ESRRG: variants seen among roughly 807,000 people sequenced by gnomAD.
ESRRG encodes estrogen-related receptor gamma.
In ESRRG, 13 loss-of-function variants were observed where a neutral mutation model predicts 44.0. The observed-to-expected ratio is 0.30, with a 90% CI of 0.19 to 0.47. The LOEUF (loss-of-function observed/expected upper bound fraction) is 0.47. Among genes scored for constraint, ESRRG ranks in the 20% least tolerant of loss-of-function variants. The probability of loss-of-function intolerance (pLI) is 1.00; values close to 1 mark genes in which losing one functional copy is unlikely to be tolerated. For missense variants in ESRRG, 395 were observed against 580.6 expected (o/e 0.68, Z 3.29); for synonymous variants, 215 against 214.6 (o/e 1.00, Z -0.02).
chr1:216,831,970 G>T (rs750549843), intron 2 of ESRRG, among the ~76,000 whole-genome samples: 3 of 152,126 alleles, frequency 2.0e-5, no homozygotes, highest in Non-Finnish European at 4.4e-5. Context: ...AGATAGCCAA[G>T]AGCTGCCTGT....
At chr1:216,592,645 C>T (rs1573718325) in intron 3 of ESRRG, among the ~76,000 whole-genome samples, 2 of 152,102 alleles carry the variant, frequency 1.3e-5, no homozygotes, top group African/African-American at 4.8e-5. Context: ...GGATTACAGG[C>T]ATGCACCACC....
At chr1:217,070,265 A>ATTTTAAAAT (rs2090385419) in intron 1 of ESRRG, among the ~76,000 whole-genome samples, 1 of 151,968 alleles carries the variant, frequency 6.6e-6, no homozygotes, top group Admixed American at 6.6e-5. Flanking sequence ...GAGAAGTAAA[A>ATTTTAAAAT]GCTATTTTAA....
intron 1 of ESRRG, among the ~76,000 whole-genome samples, chr1:216,949,757 T>C (rs2066647845): frequency 6.6e-6 from 1 of 152,108 alleles, no homozygotes; most frequent in South Asian, 2.1e-4. Context: ...TTCATCATTA[T>C]CATTTGATTA....
chr1:216,774,798 C>CTGTTTTTTTTTTT (rs778887121), intron 2 of ESRRG, among the ~76,000 whole-genome samples: 1 of 110,850 alleles, frequency 9.0e-6, no homozygotes, highest in Non-Finnish European at 1.7e-5. Context: ...ATAATTTCTT[C>CTGTTTTTTTTTTT]TTTTTTTTTT....
chr1:216,813,810 G>A (rs562099099), intron 2 of ESRRG, among the ~76,000 whole-genome samples: 28 of 152,122 alleles, frequency 1.8e-4, no homozygotes, highest in Admixed American at 7.2e-4. Context: ...TGCTTATGTC[G>A]GGGGGACATC....
chr1:216,799,320 T>C (rs1411684587), intron 2 of ESRRG, among the ~76,000 whole-genome samples: 3 of 152,128 alleles, frequency 2.0e-5, no homozygotes, highest in Non-Finnish European at 4.4e-5. Context: ...TTCAGAATGG[T>C]CCTGTCTTGC....
At chr1:216,695,340 A>C (rs1377179327) in intron 1 of ESRRG, among the ~76,000 whole-genome samples, 1 of 152,186 alleles carries the variant, frequency 6.6e-6, no homozygotes, top group African/African-American at 2.4e-5. Flanking sequence ...ACAAATGAAT[A>C]TGAGTAAAAC....
chr1:217,128,656 C>T lies in ESRRG; in HGVS notation c.-230+9011G>A, dbSNP rs372662093. ...CTCATTCATAGGCTAGACACCTTAT[C>T]TGAATAACTCAGGACTTCTTCGAAG... On this transcript the variant is annotated intron_variant, in intron 1 of 8. Transcript: ENST00000366940. 3.2e-4 allele frequency among the ~76,000 whole-genome samples: 49 copies of T among 152,334 alleles called. No homozygotes were observed. The East Asian group carries it at 3.5e-3, about 11-fold the overall frequency.
chr1:216,769,783 A>G (rs946471), intron 2 of ESRRG, among the ~76,000 whole-genome samples: 26,823 of 152,100 alleles, frequency 0.18, 2,529 homozygotes, highest in East Asian at 0.36. Context: ...GTTTATAAAC[A>G]TTGAATTTGA....
At chr1:216,989,946 G>A (rs963990141) in intron 1 of ESRRG, among the ~76,000 whole-genome samples, 15 of 152,148 alleles carry the variant, frequency 9.9e-5, no homozygotes, top group Admixed American at 2.6e-4. Context: ...TGGGGGAGGA[G>A]ACAGAGAAAG....
chr1:216,549,823 C>T (rs1196518323), intron 5 of ESRRG, among the ~76,000 whole-genome samples: 1 of 152,136 alleles, frequency 6.6e-6, no homozygotes. Flanking sequence ...TGGCATAAAT[C>T]ACCTGAAGAG....
chr1:216,608,658 G>A (rs760183481), intron 3 of ESRRG, among the ~76,000 whole-genome samples: 3 of 152,264 alleles, frequency 2.0e-5, no homozygotes, highest in East Asian at 1.9e-4. Flanking sequence ...GCTCTTTACT[G>A]ATGAGTAGCC....
At chr1:216,777,209 G>A (rs1446120338) in intron 2 of ESRRG, among the ~76,000 whole-genome samples, 1 of 152,032 alleles carries the variant, frequency 6.6e-6, no homozygotes, top group Non-Finnish European at 1.5e-5. Flanking sequence ...ATATTATGGG[G>A]TAACAAAATT....
intron 1 of ESRRG, among the ~76,000 whole-genome samples, chr1:217,006,391 A>T (rs569156547): frequency 1.3e-5 from 2 of 152,248 alleles, no homozygotes; most frequent in South Asian, 4.1e-4. Context: ...ATCTTAAGTT[A>T]TGTCTATATA....
chr1:216,754,445 T>C (rs2092313771), intron 2 of ESRRG, among the ~76,000 whole-genome samples: 1 of 152,022 alleles, frequency 6.6e-6, no homozygotes, highest in African/African-American at 2.4e-5. Flanking sequence ...AAGGTGACAG[T>C]CAACTTTTAT....
intron 2 of ESRRG, among the ~76,000 whole-genome samples, chr1:216,898,461 T>C (rs2058680900): frequency 6.6e-6 from 1 of 151,810 alleles, no homozygotes; most frequent in South Asian, 2.1e-4. Flanking sequence ...CTACTAAAAA[T>C]ACAAAAATTA....
chr1:216,615,273 C>G (rs1023906649), intron 3 of ESRRG, among the ~76,000 whole-genome samples: 1 of 152,192 alleles, frequency 6.6e-6, no homozygotes, highest in African/African-American at 2.4e-5. Context: ...TCTGAAATAA[C>G]TTTGCTTACA....
At chr1:216,899,445 G>A (rs2058807986) in intron 2 of ESRRG, among the ~76,000 whole-genome samples, 1 of 152,186 alleles carries the variant, frequency 6.6e-6, no homozygotes, top group South Asian at 2.1e-4. Flanking sequence ...CAGTCTCAAA[G>A]GCATTGGGTC....
At chr1:217,022,160 C>A (rs1024606227) in intron 1 of ESRRG, among the ~76,000 whole-genome samples, 30 of 152,306 alleles carry the variant, frequency 2.0e-4, no homozygotes, top group African/African-American at 6.7e-4. Context: ...TCATTGTGCC[C>A]TGCCAAAGCC....
Sources: gnomAD v4.1 joint callset for allele counts (sites outside exome capture counted in the v4.1 genomes callset) on GRCh38, gnomAD v4.1.1 for gene constraint, MANE v1.5 for transcripts, NCBI Gene and HGNC (gene_info 2026-07-23, HGNC 2026-07-21) for gene names.